Variants in RASEF observed in about 807,000 individuals in gnomAD.
RASEF encodes RAS and EF-hand domain containing.
A neutral mutation model predicts 90.1 loss-of-function variants in RASEF; 68 were observed. The observed-to-expected ratio is 0.75, with a 90% CI of 0.62 to 0.92. The LOEUF is 0.92. Among genes scored for constraint, RASEF ranks in the 40% least tolerant of loss-of-function variants. The probability of loss-of-function intolerance (pLI) is 0.00; values close to 1 mark genes in which losing one functional copy is unlikely to be tolerated. For synonymous variants in RASEF, 331 were observed against 345.2 expected, an observed-to-expected ratio of 0.96 and a Z score of 0.46; for missense variants, 949 against 937.2, an observed-to-expected ratio of 1.01 and a Z score of -0.16.
At chr9:83,121,665 C>T in the RASEF span, among the ~76,000 whole-genome samples, 2 of 152,206 alleles carry the variant, frequency 1.3e-5, no homozygotes, top group African/African-American at 4.8e-5. Context: ...ACTCTGATCC[C>T]TGCTCTGGCT....
At chr9:83,049,188 T>C (rs1358908650) in intron 1 of RASEF, 5 of 394,588 alleles carry the variant, frequency 1.3e-5, no homozygotes, top group South Asian at 1.0e-4. Flanking sequence ...TTATAACATA[T>C]TACACTTAAC....
At chr9:83,004,953 C>T (rs753596722) in intron 8 of RASEF, among the ~76,000 whole-genome samples, 5 of 152,156 alleles carry the variant, frequency 3.3e-5, no homozygotes, top group East Asian at 3.9e-4. Context: ...TATCCCAATA[C>T]GACCCTGGAA....
chr9:82,992,603 G>A (rs1376407006), intron 15 of RASEF, among the ~76,000 whole-genome samples: 2 of 152,144 alleles, frequency 1.3e-5, no homozygotes, highest in Non-Finnish European at 2.9e-5. Flanking sequence ...ACTAGAGAAG[G>A]TTTCTAGGAA....
At chr9:83,140,824 T>C in the RASEF span, among the ~76,000 whole-genome samples, 1 of 152,122 alleles carries the variant, frequency 6.6e-6, no homozygotes, top group South Asian at 2.1e-4. Flanking sequence ...AAAAAATTGA[T>C]GGAAATAGAA....
chr9:83,144,412 G>GAAAGAAAGAAAGAAAGAAAGAAAT, the RASEF span, among the ~76,000 whole-genome samples: 8 of 122,880 alleles, frequency 6.5e-5, no homozygotes, highest in East Asian at 1.8e-3. Flanking sequence ...AAGAAAGAAA[G>GAAAGAAAGAAAGAAAGAAAGAAAT]AAAGAAAAGA....
the RASEF span, among the ~76,000 whole-genome samples, chr9:83,137,801 A>AC: frequency 6.6e-6 from 1 of 150,602 alleles, no homozygotes; most frequent in Admixed American, 6.6e-5. Context: ...GATTGAAAAA[A>AC]AAAAATGAAT....
At chr9:83,168,274 C>T in the RASEF span, among the ~76,000 whole-genome samples, 2 of 152,076 alleles carry the variant, frequency 1.3e-5, no homozygotes, top group Non-Finnish European at 2.9e-5. Flanking sequence ...GCATCTTTTC[C>T]TGTGCTTATT....
rs115644753 is a variant in RASEF, at chr9:83,012,266, G to A, written c.843+168C>T. 7.7e-3 allele frequency among the ~76,000 whole-genome samples: 1,174 copies of A among 152,258 alleles called. 14 individuals carry two copies. Among genetic ancestry groups the A allele is most frequent in the African/African-American group, 0.027 (1,114 of 41,548 alleles). ...TTCACAATAAGTGGCATATTATTGA[G>A]GGAAAAGCCTGCATAAATAGTATCT... On this transcript the variant is annotated intron_variant, in intron 5 of 16. Coordinates refer to ENST00000376447, the MANE Select transcript of RASEF (RefSeq NM_152573.4).
intron 1 of RASEF, among the ~76,000 whole-genome samples, chr9:83,037,291 A>G (rs1829759943): frequency 6.6e-6 from 1 of 151,852 alleles, no homozygotes; most frequent in South Asian, 2.1e-4. Context: ...CTAGTTTTAT[A>G]TCAATGCAAT....
At chr9:83,054,783 G>C (rs1463745292) in intron 1 of RASEF, 1 of 148,738 alleles carries the variant, frequency 6.7e-6, no homozygotes, top group East Asian at 2.0e-4. Flanking sequence ...CTCAGCTGCA[G>C]GTCTGTTGGA....
chr9:83,062,393 A>C (rs1830223405), intron 1 of RASEF, 44 bp downstream of exon 1: 3 of 1,594,482 alleles, frequency 1.9e-6, no homozygotes, highest in Non-Finnish European at 2.6e-6. Flanking sequence ...AGAAGCAAGC[A>C]GGAAGCGCCA....
chr9:83,036,940 CACCATGGTGCCCTAAAGTGAT>C (rs1356778805), intron 1 of RASEF, among the ~76,000 whole-genome samples: 1 of 151,926 alleles, frequency 6.6e-6, no homozygotes, highest in South Asian at 2.1e-4. Flanking sequence ...CACCATGGTG[CACCATGGTGCCCTAAAGTGAT>C]ACCATGGTGC....
At chr9:83,178,587 C>G in the RASEF span, among the ~76,000 whole-genome samples, 1 of 152,240 alleles carries the variant, frequency 6.6e-6, no homozygotes, top group East Asian at 1.9e-4. Context: ...CCCTTAAGCT[C>G]CAGCACCACG....
the RASEF span, among the ~76,000 whole-genome samples, chr9:83,122,898 T>G: frequency 1.3e-5 from 2 of 152,170 alleles, no homozygotes; most frequent in Non-Finnish European, 2.9e-5. Context: ...ATCTAGGTAG[T>G]GGCAATATTC....
chr9:83,180,929 G>A, the RASEF span, among the ~76,000 whole-genome samples: 1 of 151,824 alleles, frequency 6.6e-6, no homozygotes, highest in African/African-American at 2.4e-5. Flanking sequence ...AAGAGTATAT[G>A]TGCAGTTCTG....
At chr9:83,108,350 T>A in the RASEF span, among the ~76,000 whole-genome samples, 2 of 152,298 alleles carry the variant, frequency 1.3e-5, no homozygotes, top group Non-Finnish European at 2.9e-5. Flanking sequence ...GTCAGAGAAC[T>A]ATGGCCCCCT....
intron 5 of RASEF, among the ~76,000 whole-genome samples, chr9:83,009,988 T>C (rs1374679939): frequency 6.6e-6 from 1 of 152,212 alleles, no homozygotes; most frequent in East Asian, 1.9e-4. Context: ...TTATGCTTGA[T>C]ATTTGACACC....
intron 2 of RASEF, among the ~76,000 whole-genome samples, chr9:83,025,014 C>T (rs940856144): frequency 3.9e-5 from 6 of 152,334 alleles, no homozygotes; most frequent in South Asian, 2.1e-4. Context: ...GCACAATGCC[C>T]TCTCTTTCCC....
At position 83,022,449 on chromosome 9, in the gene RASEF, C is replaced by T. The variant is rs200243440; in HGVS notation, c.579-23G>A. The T allele has an allele frequency of 7.5e-5, 116 of 1,542,252 alleles. No homozygotes were observed. The East Asian group carries it at 2.5e-3, about 33-fold the overall frequency. On this transcript the variant is annotated intron_variant, in intron 2 of 16. Coordinates refer to ENST00000376447, the MANE Select transcript of RASEF (RefSeq NM_152573.4). ...GCTCTGAAATTCAAAAGGATGCACA[C>T]CTTTTCATTATACTCTTGAACTTGA...
Sources: allele counts gnomAD v4.1 joint callset (sites outside exome capture counted in the v4.1 genomes callset), GRCh38; gene constraint gnomAD v4.1.1; transcripts MANE v1.5; gene names NCBI Gene and HGNC (gene_info 2026-07-23, HGNC 2026-07-21).